The following ANO6 variants were observed in gnomAD, a reference collection of about 807,000 sequenced individuals.
The protein encoded by ANO6 is anoctamin 6.
A neutral mutation model predicts 117.5 loss-of-function variants in ANO6; 106 were observed. The observed-to-expected ratio is 0.90, with a 90% confidence interval of 0.77 to 1.06. The LOEUF (loss-of-function observed/expected upper bound fraction) is 1.06, where lower values mean the gene tolerates loss of function less well. ANO6 is among the 50% of genes least tolerant of loss of function. The pLI, the probability that ANO6 is intolerant of heterozygous loss-of-function variation, is 0.00. For synonymous variants in ANO6, 367 were observed against 385.1 expected, an observed-to-expected ratio of 0.95 and a Z score of 0.55; for missense variants, 955 against 1,121.1, an observed-to-expected ratio of 0.85 and a Z score of 2.12.
chr12:45,237,880 T>A (rs901638054), intron 1 of ANO6, among the ~76,000 whole-genome samples: 13 of 152,234 alleles, frequency 8.5e-5, no homozygotes, highest in African/African-American at 3.1e-4. Flanking sequence ...TCCATTTGTT[T>A]GCGTCCTCTT....
At chr12:45,391,064 T>C (rs1942437267) in intron 12 of ANO6, among the ~76,000 whole-genome samples, 1 of 151,914 alleles carries the variant, frequency 6.6e-6, no homozygotes, top group African/African-American at 2.4e-5. Context: ...GAGGTTGCAG[T>C]GAGTGAAAAT....
At chr12:45,249,403 T>TAA (rs1947870447) in intron 1 of ANO6, among the ~76,000 whole-genome samples, 1 of 152,242 alleles carries the variant, frequency 6.6e-6, no homozygotes, top group African/African-American at 2.4e-5. Context: ...TTCTGCCTTT[T>TAA]AAAATTTGGT....
intron 16 of ANO6, 151 bp downstream of exon 16, chr12:45,409,638 G>C (rs1402752423): frequency 1.1e-6 from 1 of 948,684 alleles, no homozygotes; most frequent in East Asian, 2.6e-5. Context: ...ATACAATCCA[G>C]CTTTCAGATA....
intron 12 of ANO6, among the ~76,000 whole-genome samples, chr12:45,395,947 T>A (rs951713249): frequency 6.6e-6 from 1 of 152,152 alleles, no homozygotes; most frequent in African/African-American, 2.4e-5. Context: ...AAGGATGCCC[T>A]CTCTCTCCAC....
At chr12:45,324,398 T>C (rs1379147443) in intron 2 of ANO6, among the ~76,000 whole-genome samples, 2 of 152,198 alleles carry the variant, frequency 1.3e-5, no homozygotes. Context: ...CTGGTAGGAA[T>C]CGTCACAATC....
Position 45,255,818 on chromosome 12 carries a change from G to GTTTTTTTTTTT in ANO6, c.70+39437_70+39447dup, listed in dbSNP as rs551517877. Among the ~76,000 whole-genome samples the GTTTTTTTTTTT allele has an allele frequency of 5.6e-3, 458 of 81,656 alleles. 23 individuals carry two copies. The highest frequency in any genetic ancestry group is 0.019 in the African/African-American group (429 of 22,206). The allele number at this position is 81,656 out of a possible 152,430, so 53.6% of individuals were successfully genotyped here. The stretch of plus-strand genomic sequence containing the variant: ...CTGGCCCCAGGTTTTCTCCCTGGGT[G>GTTTTTTTTTTT]TTTTTTTTTTTTTTTTTTTTGAGAC... On this transcript the variant is annotated intron_variant, in intron 1 of 19. Coordinates refer to ENST00000320560, the MANE Select transcript of ANO6 (RefSeq NM_001025356.3).
At chr12:45,331,234 T>C in intron 2 of ANO6, 61 bp from the exon 3 acceptor site, 1 of 1,447,708 alleles carries the variant, frequency 6.9e-7, no homozygotes, top group Non-Finnish European at 9.5e-7. Context: ...AAATTAACAC[T>C]TATAAGTCAG....
intron 19 of ANO6, among the ~76,000 whole-genome samples, chr12:45,424,915 C>T (rs1446603837): frequency 6.6e-6 from 1 of 151,372 alleles, no homozygotes; most frequent in Admixed American, 6.6e-5. Flanking sequence ...TATGAGCACA[C>T]AACCAAAGAT....
At chr12:45,394,898 A>T (rs528577774) in intron 12 of ANO6, among the ~76,000 whole-genome samples, 1 of 152,360 alleles carries the variant, frequency 6.6e-6, no homozygotes, top group East Asian at 1.9e-4. Context: ...AGCAGGAACG[A>T]TCTAAAATCA....
At position 45,294,106 on chromosome 12, in the gene ANO6, A is replaced by G. The variant is rs114722187; in HGVS notation, c.71-7908A>G. On this transcript the variant is annotated intron_variant, in intron 1 of 19. Transcript: ENST00000320560. ...TCCAGGTAGGTAGAAAACACTTAAG[A>G]TGAGGTTGAAAATAAGAAGGATATA... Among the ~76,000 whole-genome samples the G allele has an allele frequency of 7.7e-3, 1,177 of 152,216 alleles. 20 individuals are homozygous for G. The highest frequency in any genetic ancestry group is 0.027 in the African/African-American group (1,105 of 41,518).
intron 1 of ANO6, among the ~76,000 whole-genome samples, chr12:45,221,657 T>C (rs1309975745): frequency 6.6e-6 from 1 of 152,068 alleles, no homozygotes; most frequent in Non-Finnish European, 1.5e-5. Context: ...TTTCCAGTAG[T>C]TGGGGTCAGA....
chr12:45,431,396 T>TGTCA lies in ANO6; in HGVS notation c.*2087_*2090dup. On this transcript the variant is annotated 3_prime_UTR_variant, in exon 20 of 20. Transcript: ENST00000320560. ...AAATTTGGCAGTTACTCGCCATGTATGTCAGCATAGAAAAGGAAATGTTTT... is the reference window on the plus strand; with the variant it reads ...AAATTTGGCAGTTACTCGCCATGTATGTCAGTCAGCATAGAAAAGGAAATGTTTT... 1 of 985,446 alleles carries TGTCA rather than the reference T, an allele frequency of 1.0e-6. No individual in the cohort carries two copies. The allele number at this position is 985,446 out of a possible 1,614,324, so 61.0% of individuals were successfully genotyped here. A position where few individuals can be genotyped will look rare whatever the true frequency, so the allele number is the denominator to read the frequency against.
At chr12:45,420,795 G>A (rs551280205) in intron 17 of ANO6, among the ~76,000 whole-genome samples, 1 of 106,786 alleles carries the variant, frequency 9.4e-6, no homozygotes, top group South Asian at 3.4e-4. Flanking sequence ...CAGATCACCT[G>A]AGACCAGGAG....
chr12:45,290,799 A>G (rs1174388021), intron 1 of ANO6, among the ~76,000 whole-genome samples: 2 of 152,226 alleles, frequency 1.3e-5, no homozygotes, highest in African/African-American at 2.4e-5. Flanking sequence ...CAGATCCACA[A>G]TTTCATATGA....
At chr12:45,337,164 C>T (rs750396204) in intron 3 of ANO6, among the ~76,000 whole-genome samples, 3 of 152,092 alleles carry the variant, frequency 2.0e-5, no homozygotes, top group Non-Finnish European at 4.4e-5. Context: ...CACATAATGT[C>T]TTAAGCCTTC....
At chr12:45,242,294 TCCC>T (rs1005428144) in intron 1 of ANO6, among the ~76,000 whole-genome samples, 1 of 152,182 alleles carries the variant, frequency 6.6e-6, no homozygotes, top group African/African-American at 2.4e-5. Flanking sequence ...AGACACCCCT[TCCC>T]CTACCAGGCT....
Position 45,295,241 on chromosome 12 carries a change from CGTT to C in ANO6, c.71-6770_71-6768del, listed in dbSNP as rs1403178776. Among the ~76,000 whole-genome samples the C allele has an allele frequency of 2.0e-5, 3 of 152,320 alleles. No individual in the cohort carries two copies. The East Asian group carries it at 5.8e-4, about 29-fold the overall frequency. On this transcript the variant is annotated intron_variant, in intron 1 of 19. Coordinates refer to ENST00000320560, the MANE Select transcript of ANO6 (RefSeq NM_001025356.3). ...ACTGAGTGGCTCTATTTTAAAATCT[CGTT>C]GTAATATCACAAGGCCTATACTCTG...
At chr12:45,288,693 A>G (rs1429536446) in intron 1 of ANO6, among the ~76,000 whole-genome samples, 2 of 152,208 alleles carry the variant, frequency 1.3e-5, no homozygotes, top group Non-Finnish European at 2.9e-5. Flanking sequence ...AATATTTGTT[A>G]GAGCTCCTAC....
intron 9 of ANO6, among the ~76,000 whole-genome samples, chr12:45,368,608 A>G (rs988642000): frequency 6.6e-6 from 1 of 152,218 alleles, no homozygotes; most frequent in African/African-American, 2.4e-5. Flanking sequence ...GCTTACTGAA[A>G]GCAGGCTGGA....
Sources: gnomAD v4.1 joint callset for allele counts (sites outside exome capture counted in the v4.1 genomes callset) on GRCh38, gnomAD v4.1.1 for gene constraint, MANE v1.5 for transcripts, NCBI Gene and HGNC (gene_info 2026-07-23, HGNC 2026-07-21) for gene names.